The following PCDHAC2 variants were observed in gnomAD, a reference collection of about 807,000 sequenced individuals.
PCDHAC2 encodes protocadherin alpha-C2.
Under a neutral mutation model 63.3 loss-of-function variants are expected in PCDHAC2, and 24 were observed. That is an observed-to-expected ratio of 0.38 (90% CI 0.27 to 0.53). The LOEUF (loss-of-function observed/expected upper bound fraction) is 0.53. PCDHAC2 is among the 20% of genes least tolerant of loss of function. PCDHAC2 has a pLI of 0.81. For missense variants in PCDHAC2, 1,181 were observed against 1,275.2 expected (o/e 0.93, Z 1.12); for synonymous variants, 569 against 529.4 (o/e 1.07, Z -1.03).
chr5:140,968,896 A>G lies in PCDHAC2; in HGVS notation c.2130A>G (p.Ile710Met), dbSNP rs2096277975. ...TYSEITLYLIIALSTVSFIFL... is the reference protein window; with the variant it reads ...TYSEITLYLIMALSTVSFIFL... ...CTGAAATTACCCTTTATCTAATAAT[A>G]GCATTAAGCACAGTGTCTTTTATAT... Residue 710 changes from isoleucine to methionine, a missense_variant, in exon 1 of 4, where the codon ATA (isoleucine) becomes ATG (methionine). Transcript: ENST00000289269. 1 of 1,614,240 alleles carries G rather than the reference A, an allele frequency of 6.2e-7. No individual in the cohort carries two copies. The highest frequency in any genetic ancestry group is 8.5e-7 in the Non-Finnish European group (1 of 1,180,034).
chr5:140,972,241 GC>G (rs1162351861), intron 1 of PCDHAC2, among the ~76,000 whole-genome samples: 1 of 151,838 alleles, frequency 6.6e-6, no homozygotes, highest in Non-Finnish European at 1.5e-5. Flanking sequence ...CTGGGCTCAA[GC>G]AATCCTCACA....
intron 1 of PCDHAC2, 88 bp downstream of exon 1, chr5:140,969,419 T>C: frequency 6.4e-7 from 1 of 1,563,564 alleles, no homozygotes; most frequent in Non-Finnish European, 8.7e-7. Flanking sequence ...ATTGAGTCAT[T>C]AACAGTGACA....
At chr5:140,975,784 A>G (rs1216156931) in intron 1 of PCDHAC2, among the ~76,000 whole-genome samples, 1 of 151,914 alleles carries the variant, frequency 6.6e-6, no homozygotes, top group Non-Finnish European at 1.5e-5. Flanking sequence ...CCATTACAAG[A>G]TAAATTAAAT....
At chr5:140,995,491 AG>A (rs1467871177) in intron 3 of PCDHAC2, among the ~76,000 whole-genome samples, 5 of 152,224 alleles carry the variant, frequency 3.3e-5, no homozygotes, top group Non-Finnish European at 5.9e-5. Context: ...TTTCAGACTA[AG>A]GTTGACTGTG....
intron 1 of PCDHAC2, among the ~76,000 whole-genome samples, chr5:140,974,319 G>A (rs781949857): frequency 1.8e-4 from 27 of 152,198 alleles, no homozygotes; most frequent in Non-Finnish European, 3.5e-4. Flanking sequence ...TGAGAGAGTA[G>A]CTGCTGTGCT....
intron 3 of PCDHAC2, among the ~76,000 whole-genome samples, chr5:141,004,659 G>C (rs1012907350): frequency 1.3e-5 from 2 of 152,182 alleles, no homozygotes; most frequent in Admixed American, 1.3e-4. Context: ...GGCTCTGAGG[G>C]CAACTAAAGG....
At chr5:140,993,509 CGGGGAGAGAGAG>C (rs1563592888) in intron 3 of PCDHAC2, among the ~76,000 whole-genome samples, 1 of 143,490 alleles carries the variant, frequency 7.0e-6, no homozygotes, top group Admixed American at 7.0e-5. Context: ...CACACACACA[CGGGGAGAGAGAG>C]ACAGAGAGAG....
In PCDHAC2 at chr5:140,968,394, G is replaced by T; in HGVS notation, c.1628G>T (p.Arg543Leu). 1 of 1,613,940 alleles carries T rather than the reference G, an allele frequency of 6.2e-7. No individual in the cohort carries two copies. Among genetic ancestry groups the T allele is most frequent in the Non-Finnish European group, 8.5e-7 (1 of 1,180,014 alleles). Residue 543 changes from arginine to leucine, a missense_variant, in exon 1 of 4, where the codon CGG becomes CTG. Arg to Leu is a moderately radical substitution (Grantham distance 102, BLOSUM62 -2). Coordinates refer to ENST00000289269, the MANE Select transcript of PCDHAC2 (RefSeq NM_018899.6). ...AACTCCTTTGACTATGAGAAGTTTC[G>T]GGAGTTCTTTGTGACTGTGGAGGCT... ...AVNSFDYEKF[R>L]EFFVTVEAQD...
chr5:140,969,336 GA>G lies in PCDHAC2; in HGVS notation c.2565+6del. ...GAGGCTGTTTCTCAAAATGAGGTGA[GA>G]CAGTGGTCAGGGGGTCTTCTACAAA... On this transcript the variant is annotated splice_donor_region_variant and intron_variant, in intron 1 of 3. Coordinates refer to ENST00000289269, the MANE Select transcript of PCDHAC2 (RefSeq NM_018899.6). 4 of 1,613,996 alleles carry G rather than the reference GA, an allele frequency of 2.5e-6. No homozygotes were observed. The highest frequency in any genetic ancestry group is 3.4e-6 in the Non-Finnish European group (4 of 1,179,948).
chr5:140,976,927 G>A (rs1322531610), intron 1 of PCDHAC2, among the ~76,000 whole-genome samples: 2 of 152,184 alleles, frequency 1.3e-5, no homozygotes, highest in Admixed American at 1.3e-4. Context: ...CTAGTACTGT[G>A]TAGCTACTTA....
At chr5:141,005,199 C>T (rs2098200928) in intron 3 of PCDHAC2, among the ~76,000 whole-genome samples, 1 of 152,208 alleles carries the variant, frequency 6.6e-6, no homozygotes, top group African/African-American at 2.4e-5. Flanking sequence ...TCCTTTCATT[C>T]ATTCATCCAG....
At chr5:140,981,537 G>C (rs375537131) in intron 2 of PCDHAC2, among the ~76,000 whole-genome samples, 2 of 152,290 alleles carry the variant, frequency 1.3e-5, no homozygotes, top group East Asian at 3.9e-4. Context: ...TCGTGCCACT[G>C]TACTCCAGCC....
intron 3 of PCDHAC2, among the ~76,000 whole-genome samples, chr5:140,985,873 G>C (rs1210347898): frequency 1.3e-5 from 2 of 151,280 alleles, no homozygotes; most frequent in Non-Finnish European, 2.9e-5. Flanking sequence ...CTGAGTAGCT[G>C]GGACTACAGG....
At chr5:140,987,995 C>T (rs1554249784) in intron 3 of PCDHAC2, among the ~76,000 whole-genome samples, 3 of 152,178 alleles carry the variant, frequency 2.0e-5, no homozygotes, top group African/African-American at 7.2e-5. Flanking sequence ...CATCTCTGAT[C>T]CTTCCCCAGA....
At chr5:140,977,661 CTGCA>C (rs1554238727) in intron 1 of PCDHAC2, among the ~76,000 whole-genome samples, 1 of 152,168 alleles carries the variant, frequency 6.6e-6, no homozygotes, top group Non-Finnish European at 1.5e-5. Flanking sequence ...GGCTAATTCT[CTGCA>C]TGCCAAATAT....
In PCDHAC2 at chr5:140,967,906, C is replaced by T. The variant is rs529421659; in HGVS notation, c.1140C>T (p.Pro380=). The change falls in exon 1 of 4, where the codon CCC becomes CCT. Residue 380 remains proline, a synonymous_variant. Coordinates refer to ENST00000289269, the MANE Select transcript of PCDHAC2 (RefSeq NM_018899.6). ...GCCCAGTGCCTGAGAATGCTACACC[C>T]AACACCATTGTGGCCGTTCTCAGTG... is the stretch of plus-strand genomic sequence containing the variant. ...LYSPVPENAT[P]NTIVAVLSVN... The T allele has an allele frequency of 1.2e-6, 2 of 1,614,208 alleles. No homozygotes were observed. Among genetic ancestry groups the T allele is most frequent in the Non-Finnish European group, 1.7e-6 (2 of 1,180,038 alleles).
chr5:141,005,737 G>A (rs568489145), intron 3 of PCDHAC2, among the ~76,000 whole-genome samples: 173 of 143,620 alleles, frequency 1.2e-3, no homozygotes, highest in African/African-American at 4.5e-3. Flanking sequence ...AAAAAGAATG[G>A]ATGAGAAATC....
In PCDHAC2 at chr5:140,968,816, G is replaced by A; in HGVS notation, c.2050G>A (p.Val684Ile). The stretch of plus-strand genomic sequence containing the variant: ...CATTACAGTAGCTGTGGTGGATAGG[G>A]TTTCCAAAATCCTCCCTGACACTCA... ...VAITVAVVDR[V>I]SKILPDTQRH... The change falls in exon 1 of 4, where the codon GTT (valine) becomes ATT (isoleucine). Residue 684 changes from valine to isoleucine, a missense_variant. By Grantham distance (29) the Val-to-Ile change is conservative. This residue lies in a region of PCDHAC2 where 968 missense variants were observed against 1,073.5 expected (regional missense o/e 0.90). Transcript: ENST00000289269. 6.2e-7 allele frequency: 1 copy of A among 1,614,144 alleles called. No homozygotes were observed.
intron 2 of PCDHAC2, among the ~76,000 whole-genome samples, chr5:140,981,738 A>C: frequency 6.6e-6 from 1 of 152,114 alleles, no homozygotes. Flanking sequence ...TGAGAGATTA[A>C]TATGAGTTAG....
Sources: allele counts gnomAD v4.1 joint callset (sites outside exome capture counted in the v4.1 genomes callset), GRCh38; gene constraint gnomAD v4.1.1; regional missense constraint gnomAD v4.1.1; transcripts MANE v1.5; gene names NCBI Gene and HGNC (gene_info 2026-07-23, HGNC 2026-07-21).